Variants in ZNF804A observed in about 807,000 individuals in gnomAD.
ZNF804A encodes the protein zinc finger protein 804A.
In ZNF804A, 2 loss-of-function variants were observed where a neutral mutation model predicts 16.5. The observed-to-expected ratio is 0.12, with a 90% CI of 0.05 to 0.38. The LOEUF (loss-of-function observed/expected upper bound fraction) is 0.38. Among genes scored for constraint, ZNF804A ranks in the 10% least tolerant of loss-of-function variants. The probability of loss-of-function intolerance (pLI) is 0.99; values close to 1 mark genes in which losing one functional copy is unlikely to be tolerated. For synonymous variants in ZNF804A, 534 were observed against 489.6 expected, an observed-to-expected ratio of 1.09 and a Z score of -1.20; for missense variants, 1,473 against 1,390.7, an observed-to-expected ratio of 1.06 and a Z score of -0.94.
intron 1 of ZNF804A, among the ~76,000 whole-genome samples, chr2:184,681,894 C>T (rs994007756): frequency 2.0e-5 from 3 of 152,222 alleles, no homozygotes; most frequent in Non-Finnish European, 2.9e-5. Flanking sequence ...TGCCTGCTCT[C>T]GCTCCCTGGC....
At chr2:184,708,963 C>A (rs544045499) in intron 1 of ZNF804A, among the ~76,000 whole-genome samples, 1 of 152,008 alleles carries the variant, frequency 6.6e-6, no homozygotes, top group Non-Finnish European at 1.5e-5. Context: ...TGAGCCTCCA[C>A]GTGGCTGCTC....
chr2:184,738,989 A>T (rs1349089724), intron 1 of ZNF804A, among the ~76,000 whole-genome samples: 1 of 152,232 alleles, frequency 6.6e-6, no homozygotes, highest in Non-Finnish European at 1.5e-5. Context: ...TAATTAGCAA[A>T]TAAACACAAG....
At chr2:184,697,819 T>A (rs1692856843) in intron 1 of ZNF804A, among the ~76,000 whole-genome samples, 1 of 152,090 alleles carries the variant, frequency 6.6e-6, no homozygotes, top group African/African-American at 2.4e-5. Flanking sequence ...GAAGAGGGCT[T>A]CAAGATCATC....
chr2:184,630,563 T>C (rs1691589481), intron 1 of ZNF804A, among the ~76,000 whole-genome samples: 1 of 152,186 alleles, frequency 6.6e-6, no homozygotes, highest in South Asian at 2.1e-4. Flanking sequence ...GTGTTCCACT[T>C]CTAAATATAA....
chr2:184,875,418 C>T lies in ZNF804A; in HGVS notation c.255+8906C>T, dbSNP rs570911139. 7.1e-4 allele frequency among the ~76,000 whole-genome samples: 108 copies of T among 152,142 alleles called. 1 individual carries two copies. The highest frequency in any genetic ancestry group is 5.6e-4 in the Non-Finnish European group (38 of 68,020). ...AAAAAGAGCCTGGCACCTCCTCCCT[C>T]TCTTTCTTGTGCCCTCTCTGGCCAT... On this transcript the variant is annotated intron_variant, in intron 2 of 3. Transcript: ENST00000302277.
intron 1 of ZNF804A, among the ~76,000 whole-genome samples, chr2:184,640,982 T>A (rs1039107474): frequency 1.3e-5 from 2 of 152,118 alleles, no homozygotes; most frequent in Non-Finnish European, 2.9e-5. Flanking sequence ...TGATATAGAG[T>A]CTTGCTCTGT....
At chr2:184,760,576 A>G (rs1222211829) in intron 1 of ZNF804A, among the ~76,000 whole-genome samples, 1 of 152,116 alleles carries the variant, frequency 6.6e-6, no homozygotes, top group African/African-American at 2.4e-5. Flanking sequence ...GGCCAAACAT[A>G]TGGTAGCATA....
chr2:184,866,101 C>T (rs1695874074), intron 1 of ZNF804A, among the ~76,000 whole-genome samples: 1 of 152,244 alleles, frequency 6.6e-6, no homozygotes, highest in South Asian at 2.1e-4. Context: ...GGAACTTGTT[C>T]AATCAAGGAC....
At chr2:184,848,512 A>G (rs1558980969) in intron 1 of ZNF804A, among the ~76,000 whole-genome samples, 1 of 152,110 alleles carries the variant, frequency 6.6e-6, no homozygotes, top group South Asian at 2.1e-4. Flanking sequence ...TAGAAAAATG[A>G]TAACAGAAGT....
chr2:184,853,967 T>C (rs1303269080), intron 1 of ZNF804A, among the ~76,000 whole-genome samples: 1 of 151,778 alleles, frequency 6.6e-6, no homozygotes, highest in Non-Finnish European at 1.5e-5. Context: ...CTTCAACTTT[T>C]TGGGAGAGTT....
At chr2:184,873,660 T>C (rs1389593895) in intron 2 of ZNF804A, among the ~76,000 whole-genome samples, 1 of 152,158 alleles carries the variant, frequency 6.6e-6, no homozygotes, top group African/African-American at 2.4e-5. Flanking sequence ...GATTTTATTG[T>C]AGAAATATGA....
intron 1 of ZNF804A, among the ~76,000 whole-genome samples, chr2:184,707,716 A>T (rs1370686946): frequency 6.6e-6 from 1 of 152,036 alleles, no homozygotes; most frequent in Non-Finnish European, 1.5e-5. Context: ...TGATTTTCAT[A>T]TCTTTGTTAT....
chr2:184,737,048 T>C (rs1268253598), intron 1 of ZNF804A, among the ~76,000 whole-genome samples: 2 of 151,058 alleles, frequency 1.3e-5, no homozygotes, highest in Non-Finnish European at 2.9e-5. Flanking sequence ...TTACTACTTT[T>C]TTTTGTTTGT....
At chr2:184,631,815 A>T (rs962504684) in intron 1 of ZNF804A, among the ~76,000 whole-genome samples, 5 of 152,228 alleles carry the variant, frequency 3.3e-5, no homozygotes, top group Non-Finnish European at 7.3e-5. Flanking sequence ...TATTGTCTGC[A>T]TTGAAATAAA....
chr2:184,622,773 A>G (rs1691439228), intron 1 of ZNF804A, among the ~76,000 whole-genome samples: 1 of 151,998 alleles, frequency 6.6e-6, no homozygotes, highest in African/African-American at 2.4e-5. Flanking sequence ...AGAATAATTT[A>G]AGTAAATTAG....
At chr2:184,652,445 A>C (rs1187405016) in intron 1 of ZNF804A, among the ~76,000 whole-genome samples, 3 of 152,212 alleles carry the variant, frequency 2.0e-5, no homozygotes, top group African/African-American at 7.2e-5. Flanking sequence ...AGATGAAAAA[A>C]ATAAAAATAA....
intron 1 of ZNF804A, among the ~76,000 whole-genome samples, chr2:184,671,024 C>T (rs974439987): frequency 6.6e-6 from 1 of 152,078 alleles, no homozygotes; most frequent in African/African-American, 2.4e-5. Context: ...TAATATCCAA[C>T]CAATAATCTA....
chr2:184,907,687 C>T (rs1393955410), intron 2 of ZNF804A, among the ~76,000 whole-genome samples: 3 of 152,052 alleles, frequency 2.0e-5, no homozygotes, highest in Non-Finnish European at 2.9e-5. Flanking sequence ...AACTATTACA[C>T]TATTGACTCT....
chr2:184,610,700 ACAGT>A (rs1235734711), intron 1 of ZNF804A, among the ~76,000 whole-genome samples: 4 of 152,154 alleles, frequency 2.6e-5, no homozygotes, highest in Non-Finnish European at 5.9e-5. Context: ...CCTGGTGAAG[ACAGT>A]CAATGTCTGG....
Sources: gnomAD v4.1 joint callset for allele counts (sites outside exome capture counted in the v4.1 genomes callset) on GRCh38, gnomAD v4.1.1 for gene constraint, MANE v1.5 for transcripts, NCBI Gene and HGNC (gene_info 2026-07-23, HGNC 2026-07-21) for gene names.